The following SH3GLB2 variants were observed in gnomAD, a reference collection of about 807,000 sequenced individuals.
SH3GLB2 encodes SH3 domain containing GRB2 like, endophilin B2, also known as endophilin-B2.
Under a neutral mutation model 48.0 loss-of-function variants are expected in SH3GLB2, and 24 were observed. That is an observed-to-expected ratio of 0.50 (90% CI 0.36 to 0.70). The LOEUF is 0.70. SH3GLB2 is among the 30% of genes least tolerant of loss of function. The probability of loss-of-function intolerance (pLI) is 0.00; values close to 1 mark genes in which losing one functional copy is unlikely to be tolerated. For missense variants in SH3GLB2, 425 were observed against 516.0 expected, an observed-to-expected ratio of 0.82 and a Z score of 1.71; for synonymous variants, 227 against 207.6, an observed-to-expected ratio of 1.09 and a Z score of -0.80.
chr9:129,014,648 G>A lies in SH3GLB2; in HGVS notation c.468+123C>T. 1 of 1,504,010 alleles carries A rather than the reference G, an allele frequency of 6.6e-7. No homozygotes were observed. The highest frequency in any genetic ancestry group is 9.1e-7 in the Non-Finnish European group (1 of 1,100,838). The allele number at this position is 1,504,010 out of a possible 1,614,324, so 93.2% of individuals were successfully genotyped here. On this transcript the variant is annotated intron_variant, in intron 4 of 10. Transcript: ENST00000372564. The surrounding 1 kb of genome is among the most constrained non-coding windows in gnomAD (Gnocchi z 4.1). Reference sequence around the variant, plus strand: ...ATAGGAGGTCACTCAGTCCAAAGGAGCCCTCTCTGGGGAGGCCTCAGGAGT... The same window carrying A: ...ATAGGAGGTCACTCAGTCCAAAGGAACCCTCTCTGGGGAGGCCTCAGGAGT...
rs1327224492 is a variant in SH3GLB2, at chr9:129,010,675, C to A, written c.643G>T (p.Asp215Tyr). ...CCCCCCAGGCCCCAACTTACCTTGTCCACTTCATCATTCCAGAGCTGTGGA... is the reference window on the plus strand; with the variant it reads ...CCCCCCAGGCCCCAACTTACCTTGTACACTTCATCATTCCAGAGCTGTGGA... Reference protein sequence around the residue: ...SASALWNDEVDKAEQELRVAQ... With the variant: ...SASALWNDEVYKAEQELRVAQ... The change falls in exon 7 of 11, where the codon GAC becomes TAC. Residue 215 changes from aspartate (D) to tyrosine (Y), a missense_variant. Asp to Tyr is a radical substitution (Grantham distance 160). Coordinates refer to ENST00000372564, the MANE Select transcript of SH3GLB2 (RefSeq NM_020145.4). The A allele has an allele frequency of 6.2e-7, 1 of 1,613,994 alleles. No individual in the cohort carries two copies. Among genetic ancestry groups the A allele is most frequent in the Admixed American group, 1.7e-5 (1 of 60,008 alleles).
In SH3GLB2 at chr9:129,019,331, T is replaced by C. The variant is rs145285095; in HGVS notation, c.334+1760A>G. ...TCAGCCCAAAAGGCAGAGGTTGCAGTGAGCTGAGATTGCACCACTGCAATC... is the reference window on the plus strand; with the variant it reads ...TCAGCCCAAAAGGCAGAGGTTGCAGCGAGCTGAGATTGCACCACTGCAATC... On this transcript the variant is annotated intron_variant, in intron 3 of 10. Coordinates refer to ENST00000372564, the MANE Select transcript of SH3GLB2 (RefSeq NM_020145.4). Among the ~76,000 whole-genome samples the C allele has an allele frequency of 5.5e-3, 843 of 152,104 alleles. 3 individuals carry two copies. Among genetic ancestry groups the C allele is most frequent in the Non-Finnish European group, 9.2e-3 (628 of 68,032 alleles).
chr9:129,009,915 C>T (rs1178360131), intron 8 of SH3GLB2, 44 bp from the exon 9 acceptor site: 1 of 1,573,114 alleles, frequency 6.4e-7, no homozygotes, highest in Non-Finnish European at 8.7e-7. Flanking sequence ...CTCCCGCCCT[C>T]AGAACAAAAA....
chr9:129,011,000 C>T, intron 6 of SH3GLB2: 1 of 427,400 alleles, frequency 2.3e-6, no homozygotes, highest in Non-Finnish European at 4.2e-6. Context: ...GTCCCCACCC[C>T]ATCCTGACTG....
At chr9:129,013,322 G>A (rs1342397960) in intron 5 of SH3GLB2, 3 of 478,950 alleles carry the variant, frequency 6.3e-6, no homozygotes, top group Non-Finnish European at 1.1e-5. Context: ...AGGTGAGGGA[G>A]AGGCCACACC....
chr9:129,009,983 G>C (rs1034617521), intron 8 of SH3GLB2, 112 bp from the exon 9 acceptor site: 6 of 1,350,874 alleles, frequency 4.4e-6, no homozygotes, highest in Non-Finnish European at 6.3e-6. Flanking sequence ...AGGGTGCCCT[G>C]CCCCTGCGCC....
chr9:129,025,761 A>G (rs1844125102), intron 1 of SH3GLB2, among the ~76,000 whole-genome samples: 1 of 151,856 alleles, frequency 6.6e-6, no homozygotes, highest in Admixed American at 6.6e-5. Flanking sequence ...GGTTCAGAGC[A>G]GCACTCCCCA....
intron 2 of SH3GLB2, among the ~76,000 whole-genome samples, 175 bp downstream of exon 2, chr9:129,022,107 A>G (rs1843845564): frequency 6.6e-6 from 1 of 152,056 alleles, no homozygotes; most frequent in African/African-American, 2.4e-5. Context: ...TGGCAGCCCA[A>G]CACAGAGTCC....
Position 129,014,447 on chromosome 9 carries a change from C to T in SH3GLB2, c.525G>A (p.Arg175=), listed in dbSNP as rs1356763515. 1 of 1,550,608 alleles carries T rather than the reference C, an allele frequency of 6.4e-7. No individual in the cohort carries two copies. ...RRLDLDACKA[R]LKKAKAAEAK... ...CTTCTGCAGCCTTGGCCTTCTTCAG[C>T]CTCGCTTTGCAGGCATCCAAGTCCA... The change falls in exon 5 of 11, where the codon AGG becomes AGA. Residue 175 remains arginine (R), a synonymous_variant. Transcript: ENST00000372564. This position sits in a 1 kb window ranked among gnomAD's most constrained non-coding sequence, Gnocchi z 4.1.
rs1369962880 is a variant in SH3GLB2, at chr9:129,014,337, T to G, written c.561+74A>C. 2 of 1,355,412 alleles carry G rather than the reference T, an allele frequency of 1.5e-6. No homozygotes were observed. Among genetic ancestry groups the G allele is most frequent in the African/African-American group, 2.9e-5 (2 of 68,992 alleles). The allele number at this position is 1,355,412 out of a possible 1,614,324, so 84.0% of individuals were successfully genotyped here. ...GAGAGAGGTCATGCCAAATACCAGG[T>G]CCCTTCATGCCACCACCCCTTGGCT... On this transcript the variant is annotated intron_variant, in intron 5 of 10. Transcript: ENST00000372564. This position sits in a 1 kb window ranked among gnomAD's most constrained non-coding sequence, Gnocchi z 4.1.
intron 3 of SH3GLB2, 52 bp downstream of exon 3, chr9:129,021,039 A>G: frequency 7.1e-7 from 1 of 1,412,098 alleles, no homozygotes; most frequent in East Asian, 2.6e-5. Flanking sequence ...AGGGAGGGAG[A>G]ATCAGAGCTA....
At chr9:129,022,138 C>T in intron 2 of SH3GLB2, 144 bp downstream of exon 2, 2 of 1,259,840 alleles carry the variant, frequency 1.6e-6, no homozygotes, top group Admixed American at 2.7e-5. Context: ...TTTAACTGTC[C>T]CTCTTCAACA....
intron 1 of SH3GLB2, among the ~76,000 whole-genome samples, chr9:129,025,467 G>T (rs1389199586): frequency 1.3e-5 from 2 of 151,788 alleles, no homozygotes; most frequent in African/African-American, 4.8e-5. Flanking sequence ...TCGGGAGGCT[G>T]AGGCAGAAGA....
At chr9:129,013,718 G>A (rs950091600) in intron 5 of SH3GLB2, 5 of 204,104 alleles carry the variant, frequency 2.4e-5, no homozygotes, top group African/African-American at 9.4e-5. Flanking sequence ...GGGCCTGGGA[G>A]TTCCCTCTGC....
intron 3 of SH3GLB2, chr9:129,015,848 A>G: frequency 2.8e-6 from 1 of 361,328 alleles, no homozygotes; most frequent in East Asian, 9.4e-5. Context: ...AGTCTGGGTG[A>G]CACAGCAAGA....
rs563020516 is a variant in SH3GLB2 at position 129,008,411 on chromosome 9, C to T, written c.*273G>A. 15 of 422,226 alleles carry T rather than the reference C, an allele frequency of 3.6e-5. No homozygotes were observed. Among genetic ancestry groups the T allele is most frequent in the Middle Eastern group, 1.5e-3 (2 of 1,338 alleles). 26.2% of individuals were successfully genotyped at this position (422,226 alleles called of 1,614,324 possible). ...GCTGAGTGCAGCTGCTGCAGACAGC[C>T]CCTCCCTCCTTAGTGGAGCCTGGAG... On this transcript the variant is annotated 3_prime_UTR_variant, in exon 11 of 11. Transcript: ENST00000372564.
chr9:129,019,001 G>A (rs1484142041), intron 3 of SH3GLB2, among the ~76,000 whole-genome samples: 11 of 151,880 alleles, frequency 7.2e-5, no homozygotes, highest in Non-Finnish European at 1.3e-4. Flanking sequence ...TATAGGGACC[G>A]AAAACACGTT....
rs1486930823 is a variant in SH3GLB2, at chr9:129,008,601, TCA to T, written c.*81_*82del. On this transcript the variant is annotated 3_prime_UTR_variant, in exon 11 of 11. Coordinates refer to ENST00000372564, the MANE Select transcript of SH3GLB2 (RefSeq NM_020145.4). ...ATTCTCCCCACTCTGAACAACTGTGTCACCAACAAACAAGTTAAGTGGCAGGG... is the reference window on the plus strand; with the variant it reads ...ATTCTCCCCACTCTGAACAACTGTGTCCAACAAACAAGTTAAGTGGCAGGG... 30 of 1,047,532 alleles carry T rather than the reference TCA, an allele frequency of 2.9e-5. No individual in the cohort carries two copies. The highest frequency in any genetic ancestry group is 3.9e-5 in the Non-Finnish European group (27 of 683,724). The allele number at this position is 1,047,532 out of a possible 1,614,324, so 64.9% of individuals were successfully genotyped here.
chr9:129,009,071 C>A (rs1842927504), intron 10 of SH3GLB2, 35 bp downstream of exon 10: 3 of 1,602,574 alleles, frequency 1.9e-6, no homozygotes, highest in Non-Finnish European at 2.5e-6. Context: ...CCTCACCCAG[C>A]CCATTCCTGC....
Sources: gnomAD v4.1 joint callset for allele counts (sites outside exome capture counted in the v4.1 genomes callset) on GRCh38, gnomAD v4.1.1 for gene constraint, Gnocchi (gnomAD v3.1) non-coding constraint, MANE v1.5 for transcripts, NCBI Gene and HGNC (gene_info 2026-07-23, HGNC 2026-07-21) for gene names.